The following SESTD1 variants were observed in gnomAD, a reference collection of about 807,000 sequenced individuals.
The protein encoded by SESTD1 is SEC14 and spectrin domain containing 1.
Under a neutral mutation model 101.7 loss-of-function variants are expected in SESTD1, and 43 were observed. The ratio of observed to expected loss-of-function variants is 0.42; its 90% confidence interval spans 0.33 to 0.55. The LOEUF (loss-of-function observed/expected upper bound fraction) is 0.55, where lower values mean the gene tolerates loss of function less well. Among genes scored for constraint, SESTD1 ranks in the 20% least tolerant of loss-of-function variants. SESTD1 has a pLI of 0.07. For synonymous variants in SESTD1, 283 were observed against 286.8 expected, an observed-to-expected ratio of 0.99 and a Z score of 0.13; for missense variants, 647 against 815.1, an observed-to-expected ratio of 0.79 and a Z score of 2.51.
chr2:179,184,913 A>G (rs2046184431), intron 2 of SESTD1, among the ~76,000 whole-genome samples: 1 of 152,156 alleles, frequency 6.6e-6, no homozygotes, highest in Non-Finnish European at 1.5e-5. Context: ...TCACCAGTGT[A>G]AAAGTACCAG....
rs2044345923 is a variant in SESTD1, at chr2:179,104,863, T to C, written c.*5036A>G. On this transcript the variant is annotated 3_prime_UTR_variant, in exon 18 of 18. Coordinates refer to ENST00000428443, the MANE Select transcript of SESTD1 (RefSeq NM_178123.5). ...ATAGTTCTGGCTGTCTTTTGATCTC[T>C]AAGTTCTTCATGTTCTAGTACAGGT... The C allele has an allele frequency of 6.6e-6, 1 of 152,190 alleles. No homozygotes were observed. Among genetic ancestry groups the C allele is most frequent in the Admixed American group, 6.5e-5 (1 of 15,268 alleles). The allele number at this position is 152,190 out of a possible 1,614,324, so 9.4% of individuals were successfully genotyped here. A position where few individuals can be genotyped will look rare whatever the true frequency, so the allele number is the denominator to read the frequency against.
At chr2:179,232,953 A>G (rs369524255) in intron 1 of SESTD1, among the ~76,000 whole-genome samples, 51 of 152,318 alleles carry the variant, frequency 3.3e-4, no homozygotes, top group African/African-American at 1.2e-3. Flanking sequence ...GGTATGATCA[A>G]CACTTTTCTG....
At chr2:179,155,319 A>T (rs1190237636) in intron 5 of SESTD1, among the ~76,000 whole-genome samples, 2 of 152,192 alleles carry the variant, frequency 1.3e-5, no homozygotes, top group African/African-American at 4.8e-5. Context: ...AATGTCAAGC[A>T]ATATATTAAT....
chr2:179,221,389 G>A (rs1338341924), intron 1 of SESTD1, among the ~76,000 whole-genome samples: 1 of 151,756 alleles, frequency 6.6e-6, no homozygotes, highest in Non-Finnish European at 1.5e-5. Flanking sequence ...GAGGCAGGTG[G>A]ATCACCTGAG....
chr2:179,213,967 GCTC>G (rs2046684965), intron 1 of SESTD1, among the ~76,000 whole-genome samples: 1 of 134,488 alleles, frequency 7.4e-6, no homozygotes, highest in African/African-American at 3.0e-5. Context: ...CCCCAAAAGA[GCTC>G]CTGAAGGAAG....
At chr2:179,169,631 C>G (rs1426734029) in intron 5 of SESTD1, among the ~76,000 whole-genome samples, 1 of 152,104 alleles carries the variant, frequency 6.6e-6, no homozygotes, top group Non-Finnish European at 1.5e-5. Flanking sequence ...AATACTTATT[C>G]TGGGAATCAC....
intron 3 of SESTD1, 64 bp downstream of exon 3, chr2:179,183,016 A>G (rs2046144158): frequency 6.2e-6 from 7 of 1,121,104 alleles, no homozygotes; most frequent in Non-Finnish European, 7.6e-6. Flanking sequence ...TCAACAATAG[A>G]AAGAATCATT....
At chr2:179,168,187 T>C (rs2045869032) in intron 5 of SESTD1, among the ~76,000 whole-genome samples, 1 of 152,156 alleles carries the variant, frequency 6.6e-6, no homozygotes, top group Admixed American at 6.5e-5. Context: ...CCACTTCCTC[T>C]TCCTCCTCAG....
chr2:179,202,556 T>G (rs1205586526), intron 1 of SESTD1, among the ~76,000 whole-genome samples: 1 of 135,104 alleles, frequency 7.4e-6, no homozygotes, highest in Non-Finnish European at 1.6e-5. Flanking sequence ...ACACATACTT[T>G]CTGTGTCTAA....
chr2:179,128,544 C>A (rs1377846285), intron 10 of SESTD1, among the ~76,000 whole-genome samples: 1 of 151,978 alleles, frequency 6.6e-6, no homozygotes, highest in Non-Finnish European at 1.5e-5. Flanking sequence ...TCCTGGCCAA[C>A]AGGGTGAAGC....
At position 179,102,962 on chromosome 2, in the gene SESTD1, C is replaced by T. The variant is rs536770521; in HGVS notation, c.*6937G>A. ...GTGACTCTCTCTCACATAGCTGTAC[C>T]TGGGGCTTACTAGCAATACATGCTT... On this transcript the variant is annotated 3_prime_UTR_variant, in exon 18 of 18. Coordinates refer to ENST00000428443, the MANE Select transcript of SESTD1 (RefSeq NM_178123.5). 6.6e-6 allele frequency: 1 copy of T among 152,220 alleles called. No homozygotes were observed. The highest frequency in any genetic ancestry group is 2.4e-5 in the African/African-American group (1 of 41,548). The allele number at this position is 152,220 out of a possible 1,614,324, so 9.4% of individuals were successfully genotyped here.
intron 10 of SESTD1, among the ~76,000 whole-genome samples, chr2:179,129,113 G>A (rs1489793119): frequency 1.3e-5 from 2 of 152,212 alleles, no homozygotes; most frequent in Non-Finnish European, 2.9e-5. Context: ...TACACATTAG[G>A]AGAAATGAGT....
At chr2:179,240,955 T>C (rs1295954870) in intron 1 of SESTD1, among the ~76,000 whole-genome samples, 4 of 152,028 alleles carry the variant, frequency 2.6e-5, no homozygotes, top group South Asian at 2.1e-4. Context: ...CAAGGAATTA[T>C]GAACATGTTT....
chr2:179,196,363 G>A (rs913103740), intron 1 of SESTD1, among the ~76,000 whole-genome samples: 4 of 152,214 alleles, frequency 2.6e-5, no homozygotes, highest in Non-Finnish European at 4.4e-5. Context: ...ACTGCAAGGT[G>A]GCAGTGAGGC....
At chr2:179,163,332 T>A (rs1356807394) in intron 5 of SESTD1, among the ~76,000 whole-genome samples, 2 of 152,036 alleles carry the variant, frequency 1.3e-5, no homozygotes, top group Non-Finnish European at 2.9e-5. Context: ...GAATGTGGAG[T>A]GGATGAAATT....
In SESTD1 at chr2:179,121,885, C is replaced by T. The variant is rs1395660428; in HGVS notation, c.1327G>A (p.Asp443Asn). The T allele has an allele frequency of 1.9e-6, 3 of 1,607,730 alleles. No homozygotes were observed. The highest frequency in any genetic ancestry group is 2.5e-6 in the Non-Finnish European group (3 of 1,177,572). The part of the protein sequence containing the change: ...GLREKGQGLL[D>N]QISNQASWAY... ...CAGGATGCCTGATTGGAGATCTGAT[C>T]CAGGAGACCTTGACCTTTTTCACGC... Residue 443 changes from aspartate to asparagine, a missense_variant, in exon 13 of 18, where the codon GAT becomes AAT. Physicochemically the swap from Asp to Asn is conservative, Grantham distance 23. This residue lies in a region of SESTD1 where 476 missense variants were observed against 562.6 expected (regional missense o/e 0.85). Transcript: ENST00000428443.
chr2:179,228,318 C>T lies in SESTD1; in HGVS notation c.-26+36181G>A, dbSNP rs796839538. Among the ~76,000 whole-genome samples the T allele has an allele frequency of 8.5e-5, 13 of 152,220 alleles. 1 individual carries two copies. Among genetic ancestry groups the T allele is most frequent in the African/African-American group, 3.1e-4 (13 of 41,504 alleles). The stretch of plus-strand genomic sequence containing the variant: ...GGCCTGAATATTATACCTCTTACCT[C>T]GATTACACATTTCACATTTTGGGGA... On this transcript the variant is annotated intron_variant, in intron 1 of 17. Coordinates refer to ENST00000428443, the MANE Select transcript of SESTD1 (RefSeq NM_178123.5).
At chr2:179,177,742 T>A (rs1255352089) in intron 3 of SESTD1, among the ~76,000 whole-genome samples, 1 of 152,212 alleles carries the variant, frequency 6.6e-6, no homozygotes, top group Non-Finnish European at 1.5e-5. Context: ...AAAACCTGCA[T>A]GTAAATATTC....
chr2:179,187,727 T>C (rs536435802), intron 2 of SESTD1, among the ~76,000 whole-genome samples: 1 of 152,222 alleles, frequency 6.6e-6, no homozygotes, highest in South Asian at 2.1e-4. Flanking sequence ...AGAAAAGGGT[T>C]GGGGAAAGAC....
Sources: allele counts gnomAD v4.1 joint callset (sites outside exome capture counted in the v4.1 genomes callset), GRCh38; gene constraint gnomAD v4.1.1; regional missense constraint gnomAD v4.1.1; transcripts MANE v1.5; gene names NCBI Gene and HGNC (gene_info 2026-07-23, HGNC 2026-07-21).